FAF1: variants seen among roughly 807,000 people sequenced by gnomAD.
FAF1 encodes the protein Fas associated factor 1.
FAF1 carries 25 observed loss-of-function variants against 92.5 expected under a neutral mutation model. That is an observed-to-expected ratio of 0.27 (90% confidence interval 0.20 to 0.38). FAF1 has a LOEUF of 0.38. Ranked by LOEUF, FAF1 falls within the 10% of genes least tolerant of loss-of-function variation. The pLI, the probability that FAF1 is intolerant of heterozygous loss-of-function variation, is 1.00. For synonymous variants in FAF1, 234 were observed against 273.2 expected, an observed-to-expected ratio of 0.86 and a Z score of 1.42; for missense variants, 636 against 793.3, an observed-to-expected ratio of 0.80 and a Z score of 2.38.
In FAF1 at chr1:50,836,177, T is replaced by TG. The variant is rs199634269; in HGVS notation, c.114+21751_114+21752insC. On this transcript the variant is annotated intron_variant, in intron 2 of 18. Coordinates refer to ENST00000396153, the MANE Select transcript of FAF1 (RefSeq NM_007051.3). Reference sequence around the variant, plus strand: ...TTTTTGTTTTTTGTTTCTGTTTTTTTTTTTTTTTTTTTAGACAGGGTCTCA... The same window carrying TG: ...TTTTTGTTTTTTGTTTCTGTTTTTTTGTTTTTTTTTTTTAGACAGGGTCTCA... Among the ~76,000 whole-genome samples, 18 of 140,372 alleles carry TG rather than the reference T, an allele frequency of 1.3e-4. No homozygotes were observed. The East Asian group carries it at 2.6e-3, about 20-fold the overall frequency. 92.1% of individuals were successfully genotyped at this position (140,372 alleles called of 152,430 possible). A position where few individuals can be genotyped will look rare whatever the true frequency, so the allele number is the denominator to read the frequency against.
intron 12 of FAF1, among the ~76,000 whole-genome samples, chr1:50,577,024 T>C (rs1323292097): frequency 6.6e-6 from 1 of 152,118 alleles, no homozygotes; most frequent in Admixed American, 6.5e-5. Context: ...CTTCATGCCT[T>C]GGCCCCCACT....
intron 7 of FAF1, among the ~76,000 whole-genome samples, chr1:50,697,870 G>A (rs1301397768): frequency 6.6e-6 from 1 of 152,036 alleles, no homozygotes; most frequent in Non-Finnish European, 1.5e-5. Context: ...TGAGCAGCAG[G>A]ATTTTTTAAA....
At chr1:50,691,625 CTT>C (rs1449005071) in intron 7 of FAF1, among the ~76,000 whole-genome samples, 3 of 150,424 alleles carry the variant, frequency 2.0e-5, no homozygotes, top group East Asian at 2.0e-4. Context: ...GAGTTTCTCT[CTT>C]GTTGCCCAGG....
intron 18 of FAF1, chr1:50,451,902 T>C (rs1044111408): frequency 1.8e-6 from 2 of 1,082,832 alleles, no homozygotes; most frequent in African/African-American, 3.4e-5. Flanking sequence ...AATGTTAAAA[T>C]GGTCTCAAAC....
chr1:50,676,726 G>A (rs917709235), intron 7 of FAF1, among the ~76,000 whole-genome samples: 1 of 152,058 alleles, frequency 6.6e-6, no homozygotes, highest in African/African-American at 2.4e-5. Context: ...GGAGGCTGAG[G>A]CAGGAGAATC....
intron 8 of FAF1, among the ~76,000 whole-genome samples, chr1:50,601,506 A>G (rs1172384984): frequency 1.3e-5 from 2 of 152,002 alleles, no homozygotes; most frequent in African/African-American, 4.8e-5. Context: ...ACGTGGTGAA[A>G]CCCCGTCTCT....
intron 1 of FAF1, among the ~76,000 whole-genome samples, chr1:50,940,970 C>A (rs142926112): frequency 1.3e-5 from 2 of 151,932 alleles, no homozygotes; most frequent in East Asian, 3.9e-4. Flanking sequence ...TAAAAATCAC[C>A]TTTAAAGAAT....
At position 50,439,476 on chromosome 1, in the gene FAF1, G is replaced by C. The variant is rs895878677; in HGVS notation, c.*1964C>G. On this transcript the variant is annotated 3_prime_UTR_variant, in exon 19 of 19. Coordinates refer to ENST00000396153, the MANE Select transcript of FAF1 (RefSeq NM_007051.3). ...GCATTTAATAACTTCCATGAAATTG[G>C]CTTTAGAGTAAAGTCTATATTGTTG... is the stretch of plus-strand genomic sequence containing the variant. 2.6e-5 allele frequency: 4 copies of C among 152,132 alleles called. No individual in the cohort carries two copies. The highest frequency in any genetic ancestry group is 4.8e-5 in the African/African-American group (2 of 41,410). The allele number at this position is 152,132 out of a possible 1,614,324, so 9.4% of individuals were successfully genotyped here.
chr1:50,706,368 C>T (rs759633863), intron 6 of FAF1, among the ~76,000 whole-genome samples: 20 of 152,104 alleles, frequency 1.3e-4, no homozygotes, highest in African/African-American at 2.4e-4. Flanking sequence ...TACAGAACTT[C>T]AATTGTTATG....
intron 6 of FAF1, among the ~76,000 whole-genome samples, chr1:50,726,873 C>G (rs1165160905): frequency 3.3e-5 from 5 of 152,148 alleles, no homozygotes; most frequent in African/African-American, 1.2e-4. Flanking sequence ...TAAAATGGAA[C>G]TAGACATTTT....
intron 2 of FAF1, among the ~76,000 whole-genome samples, chr1:50,817,589 T>C (rs1643990957): frequency 6.6e-6 from 1 of 152,200 alleles, no homozygotes; most frequent in South Asian, 2.1e-4. Flanking sequence ...ATTATGAATA[T>C]ATTTAATGAC....
At chr1:50,581,079 T>C (rs1650968850) in intron 12 of FAF1, among the ~76,000 whole-genome samples, 1 of 152,222 alleles carries the variant, frequency 6.6e-6, no homozygotes, top group Admixed American at 6.5e-5. Context: ...CAGCCCAGTA[T>C]TTTCCATAAA....
At chr1:50,745,402 A>C (rs1659547828) in intron 4 of FAF1, among the ~76,000 whole-genome samples, 2 of 152,218 alleles carry the variant, frequency 1.3e-5, no homozygotes, top group South Asian at 4.1e-4. Flanking sequence ...GAATTTCAGA[A>C]AAGAAAAAAA....
chr1:50,494,022 T>C (rs1028379307), intron 15 of FAF1, among the ~76,000 whole-genome samples: 1 of 152,246 alleles, frequency 6.6e-6, no homozygotes, highest in Non-Finnish European at 1.5e-5. Context: ...CTGTTGTGTG[T>C]TCTTTCCCTT....
At chr1:50,797,978 T>C (rs1661825387) in intron 3 of FAF1, among the ~76,000 whole-genome samples, 1 of 151,784 alleles carries the variant, frequency 6.6e-6, no homozygotes, top group Admixed American at 6.6e-5. Context: ...TGGAAGGCAA[T>C]GAACAGAAAG....
At chr1:50,885,367 T>C (rs1057223219) in intron 1 of FAF1, among the ~76,000 whole-genome samples, 3 of 146,508 alleles carry the variant, frequency 2.0e-5, no homozygotes, top group Admixed American at 6.8e-5. Flanking sequence ...CATATCTAGG[T>C]GCCCCAGTGT....
chr1:50,912,701 C>A (rs1043995972), intron 1 of FAF1, among the ~76,000 whole-genome samples: 1 of 152,172 alleles, frequency 6.6e-6, no homozygotes, highest in Non-Finnish European at 1.5e-5. Context: ...AATCTACTCA[C>A]ATGTTTATAA....
chr1:50,958,692 A>AC (rs1645290742), intron 1 of FAF1, among the ~76,000 whole-genome samples: 1 of 151,538 alleles, frequency 6.6e-6, no homozygotes, highest in South Asian at 2.1e-4. Context: ...AAAAAAAAAA[A>AC]TTAATTAATT....
At chr1:50,867,142 G>C (rs931552394) in intron 1 of FAF1, among the ~76,000 whole-genome samples, 1 of 152,112 alleles carries the variant, frequency 6.6e-6, no homozygotes, top group African/African-American at 2.4e-5. Flanking sequence ...ACATGCAGAA[G>C]AATGAAACTG....
Sources: gnomAD v4.1 joint callset for allele counts (sites outside exome capture counted in the v4.1 genomes callset) on GRCh38, gnomAD v4.1.1 for gene constraint, MANE v1.5 for transcripts, NCBI Gene and HGNC (gene_info 2026-07-23, HGNC 2026-07-21) for gene names.